The following STAT1 variants were observed in gnomAD, a reference collection of about 807,000 sequenced individuals.
STAT1 encodes signal transducer and activator of transcription 1-alpha/beta.
STAT1 carries 24 observed loss-of-function variants against 111.7 expected under a neutral mutation model. The observed-to-expected ratio is 0.21, with a 90% CI of 0.16 to 0.30. STAT1 has a LOEUF of 0.30. Among genes scored for constraint, STAT1 ranks in the 10% least tolerant of loss-of-function variants. STAT1 has a pLI of 1.00. For missense variants in STAT1, 351 were observed against 911.9 expected, an observed-to-expected ratio of 0.38 and a Z score of 7.92; for synonymous variants, 332 against 326.5, an observed-to-expected ratio of 1.02 and a Z score of -0.18.
Position 190,986,968 on chromosome 2 carries a change from A to G in STAT1, c.1128-21T>C. Reference sequence around the variant, plus strand: ...TAAATCTATACAATATAGGAAAGAAATGCTGAAAAGTCTTCCAACTATTAA... The same window carrying G: ...TAAATCTATACAATATAGGAAAGAAGTGCTGAAAAGTCTTCCAACTATTAA... On this transcript the variant is annotated intron_variant, in intron 13 of 24. Coordinates refer to ENST00000361099, the MANE Select transcript of STAT1 (RefSeq NM_007315.4). The surrounding 1 kb of genome is among the most constrained non-coding windows in gnomAD (Gnocchi z 5.0). 6.2e-7 allele frequency: 1 copy of G among 1,613,568 alleles called. No homozygotes were observed. The highest frequency in any genetic ancestry group is 1.7e-5 in the Admixed American group (1 of 60,028).
chr2:190,994,277 C>A (rs1446209394), intron 10 of STAT1, among the ~76,000 whole-genome samples: 1 of 152,106 alleles, frequency 6.6e-6, no homozygotes, highest in African/African-American at 2.4e-5. Flanking sequence ...GAGTGTTCAG[C>A]TAGGTCCAGG....
In STAT1 at chr2:190,984,986, C is replaced by T. The variant is rs1271392495; in HGVS notation, c.1264-593G>A. ...AGGGCTAGAAGGCATCTTTGCACTG[C>T]CTGGGCCTGTGTTTGTCCCGCTGCT... On this transcript the variant is annotated intron_variant, in intron 15 of 24. Transcript: ENST00000361099. This position sits in a 1 kb window ranked among gnomAD's most constrained non-coding sequence, Gnocchi z 5.2. Among the ~76,000 whole-genome samples, 1 of 152,210 alleles carries T rather than the reference C, an allele frequency of 6.6e-6. No homozygotes were observed. Among genetic ancestry groups the T allele is most frequent in the East Asian group, 1.9e-4 (1 of 5,198 alleles).
chr2:190,993,510 G>T lies in STAT1; in HGVS notation c.944+1551C>A. 1 of 807,050 alleles carries T rather than the reference G, an allele frequency of 1.2e-6. No homozygotes were observed. Among genetic ancestry groups the T allele is most frequent in the African/African-American group, 1.7e-5 (1 of 58,556 alleles). 50.0% of individuals were successfully genotyped at this position (807,050 alleles called of 1,614,324 possible). ...AAGGAGGCAAGACTTTCCAACCCCA[G>T]AGTCGCCAATCAGAAGTAATTTGAA... is the stretch of plus-strand genomic sequence containing the variant. On this transcript the variant is annotated intron_variant, in intron 10 of 24. Coordinates refer to ENST00000361099, the MANE Select transcript of STAT1 (RefSeq NM_007315.4). The surrounding 1 kb of genome is among the most constrained non-coding windows in gnomAD (Gnocchi z 4.1).
chr2:190,991,112 GC>G, intron 11 of STAT1, 115 bp downstream of exon 11: 1 of 804,012 alleles, frequency 1.2e-6, no homozygotes, highest in Non-Finnish European at 2.1e-6. Context: ...ATATTAAAGT[GC>G]CCCCTGAAAA....
chr2:190,996,461 C>A lies in STAT1; in HGVS notation c.786-1242G>T, dbSNP rs1389488777. Among the ~76,000 whole-genome samples the A allele has an allele frequency of 6.6e-6, 1 of 152,190 alleles. No individual in the cohort carries two copies. The highest frequency in any genetic ancestry group is 2.4e-5 in the African/African-American group (1 of 41,436). ...CAGTGTCCCCAACTCTGCTTGCACA[C>A]AGAGAAAATGACAGCACAGTGGGAA... On this transcript the variant is annotated intron_variant, in intron 9 of 24. Coordinates refer to ENST00000361099, the MANE Select transcript of STAT1 (RefSeq NM_007315.4). The surrounding 1 kb of genome is among the most constrained non-coding windows in gnomAD (Gnocchi z 4.5).
rs769552511 is a variant in STAT1, at chr2:190,986,969, T to C, written c.1128-22A>G. 4 of 1,613,006 alleles carry C rather than the reference T, an allele frequency of 2.5e-6. No individual in the cohort carries two copies. Among genetic ancestry groups the C allele is most frequent in the Middle Eastern group, 1.6e-4 (1 of 6,062 alleles). ...AAATCTATACAATATAGGAAAGAAA[T>C]GCTGAAAAGTCTTCCAACTATTAAA... On this transcript the variant is annotated intron_variant, in intron 13 of 24. Transcript: ENST00000361099. This position sits in a 1 kb window ranked among gnomAD's most constrained non-coding sequence, Gnocchi z 5.0.
intron 10 of STAT1, chr2:190,992,948 C>A (rs1235485829): frequency 8.0e-6 from 2 of 249,852 alleles, no homozygotes; most frequent in Non-Finnish European, 1.5e-5. Context: ...CGCCACCATG[C>A]CTGGCTAATT....
Position 190,970,800 on chromosome 2 carries a change from T to A in STAT1, c.2239-83A>T. The A allele has an allele frequency of 1.5e-6, 2 of 1,360,214 alleles. No individual in the cohort carries two copies. The highest frequency in any genetic ancestry group is 2.1e-6 in the Non-Finnish European group (2 of 953,168). 84.3% of individuals were successfully genotyped at this position (1,360,214 alleles called of 1,614,324 possible). A position where few individuals can be genotyped will look rare whatever the true frequency, so the allele number is the denominator to read the frequency against. Reference sequence around the variant, plus strand: ...CATACATTAAACATTGCTTGTCTATTCTAGAATGAAGTAGTAGGAAGATAC... The same window carrying A: ...CATACATTAAACATTGCTTGTCTATACTAGAATGAAGTAGTAGGAAGATAC... On this transcript the variant is annotated intron_variant, in intron 24 of 24. Transcript: ENST00000361099. The surrounding 1 kb of genome is among the most constrained non-coding windows in gnomAD (Gnocchi z 5.4).
Position 190,998,408 on chromosome 2 carries a change from T to C in STAT1, c.542-100A>G, listed in dbSNP as rs1250270640. The C allele has an allele frequency of 1.0e-6, 1 of 974,178 alleles. No individual in the cohort carries two copies. The highest frequency in any genetic ancestry group is 1.6e-6 in the Non-Finnish European group (1 of 613,090). The allele number at this position is 974,178 out of a possible 1,614,324, so 60.3% of individuals were successfully genotyped here. On this transcript the variant is annotated intron_variant, in intron 7 of 24. Transcript: ENST00000361099. The surrounding 1 kb of genome is among the most constrained non-coding windows in gnomAD (Gnocchi z 4.1). ...GGATAAATATGACACAAATGCTGCC[T>C]AGTGACAGGTCAAAGTTTGGCTTTC... is the stretch of plus-strand genomic sequence containing the variant.
chr2:190,994,946 A>G (rs1219810167), intron 10 of STAT1, 115 bp downstream of exon 10: 1 of 363,028 alleles, frequency 2.8e-6, no homozygotes, highest in Admixed American at 3.7e-5. Context: ...ATATATATAT[A>G]TATATATATA....
In STAT1 at chr2:190,979,027, G is replaced by C. The variant is rs1488568925; in HGVS notation, c.1728-26C>G. On this transcript the variant is annotated intron_variant, in intron 20 of 24. Transcript: ENST00000361099. The surrounding 1 kb of genome is among the most constrained non-coding windows in gnomAD (Gnocchi z 5.8). ...CTGGATATCGAAGAGATGGACGGAT[G>C]GGCTTTTAGTTCAATCATGATTTCC... 6.2e-7 allele frequency: 1 copy of C among 1,613,788 alleles called. No individual in the cohort carries two copies. The highest frequency in any genetic ancestry group is 8.5e-7 in the Non-Finnish European group (1 of 1,179,934).
chr2:190,998,662 CA>C lies in STAT1; in HGVS notation c.542-355del, dbSNP rs937390985. 7.0e-5 allele frequency among the ~76,000 whole-genome samples: 7 copies of C among 100,354 alleles called. No individual in the cohort carries two copies. The highest frequency in any genetic ancestry group is 2.9e-4 in the East Asian group (1 of 3,502). The allele number at this position is 100,354 out of a possible 152,430, so 65.8% of individuals were successfully genotyped here. On this transcript the variant is annotated intron_variant, in intron 7 of 24. Coordinates refer to ENST00000361099, the MANE Select transcript of STAT1 (RefSeq NM_007315.4). The surrounding 1 kb of genome is among the most constrained non-coding windows in gnomAD (Gnocchi z 4.1). ...GGGCGACAGAGCGAGACTCCGTCTCCAAAAAAAAACAAAAAAAACAAAAAAA... is the reference window on the plus strand; with the variant it reads ...GGGCGACAGAGCGAGACTCCGTCTCCAAAAAAAACAAAAAAAACAAAAAAA...
chr2:191,010,235 T>C, intron 2 of STAT1: 1 of 516,514 alleles, frequency 1.9e-6, no homozygotes, highest in Non-Finnish European at 3.6e-6. Context: ...TCTTTGCTTA[T>C]TGTCAACATA....
chr2:190,986,702 C>G lies in STAT1; in HGVS notation c.1221+152G>C. 1 of 759,098 alleles carries G rather than the reference C, an allele frequency of 1.3e-6. No homozygotes were observed. Among genetic ancestry groups the G allele is most frequent in the Non-Finnish European group, 2.3e-6 (1 of 431,630 alleles). The allele number at this position is 759,098 out of a possible 1,614,324, so 47.0% of individuals were successfully genotyped here. On this transcript the variant is annotated intron_variant, in intron 14 of 24. Coordinates refer to ENST00000361099, the MANE Select transcript of STAT1 (RefSeq NM_007315.4). This position sits in a 1 kb window ranked among gnomAD's most constrained non-coding sequence, Gnocchi z 5.0. ...ATAAGGAGGAGAAACCAAAATGCCC[C>G]AAGTACTGGCGACAGGAAGACACCA...
chr2:190,985,927 T>C, intron 14 of STAT1, among the ~76,000 whole-genome samples: 1 of 152,318 alleles, frequency 6.6e-6, no homozygotes, highest in South Asian at 2.1e-4. Flanking sequence ...TTTCCCTGAA[T>C]GTTTCCCCAT....
At chr2:191,013,381 T>A in intron 2 of STAT1, 144 bp downstream of exon 2, 1 of 323,832 alleles carries the variant, frequency 3.1e-6, no homozygotes, top group Non-Finnish European at 5.6e-6. Context: ...GACTATATTA[T>A]TTTGGGGTGG....
At position 190,983,190 on chromosome 2, in the gene STAT1, T is replaced by C. The variant is rs1321237097; in HGVS notation, c.1446+452A>G. On this transcript the variant is annotated intron_variant, in intron 17 of 24. Transcript: ENST00000361099. The surrounding 1 kb of genome is among the most constrained non-coding windows in gnomAD (Gnocchi z 5.7). ...ATGCATTGATGGGTTGACAAAAATG[T>C]TGTGACCAGAGGCTTGAAGGAACCT... Among the ~76,000 whole-genome samples the C allele has an allele frequency of 6.6e-6, 1 of 152,244 alleles. No individual in the cohort carries two copies. The highest frequency in any genetic ancestry group is 2.4e-5 in the African/African-American group (1 of 41,464).
chr2:191,008,322 T>C (rs568800616), intron 4 of STAT1, among the ~76,000 whole-genome samples: 6 of 152,336 alleles, frequency 3.9e-5, no homozygotes, highest in Non-Finnish European at 8.8e-5. Flanking sequence ...TTCACCTCCA[T>C]TAAAACAGAA....
chr2:190,998,026 A>G lies in STAT1; in HGVS notation c.634-19T>C, dbSNP rs765346392. 1 of 1,613,538 alleles carries G rather than the reference A, an allele frequency of 6.2e-7. No individual in the cohort carries two copies. On this transcript the variant is annotated intron_variant, in intron 8 of 24. Coordinates refer to ENST00000361099, the MANE Select transcript of STAT1 (RefSeq NM_007315.4). The surrounding 1 kb of genome is among the most constrained non-coding windows in gnomAD (Gnocchi z 4.1). ...CTACTTCCTAAAGGCAATAGAAGAA[A>G]CAAAGTGAAATAAATTCATTTTTAA...
Sources: allele counts gnomAD v4.1 joint callset (sites outside exome capture counted in the v4.1 genomes callset), GRCh38; gene constraint gnomAD v4.1.1; non-coding constraint Gnocchi (gnomAD v3.1); transcripts MANE v1.5; gene names NCBI Gene and HGNC (gene_info 2026-07-23, HGNC 2026-07-21).